SULT6B1: variants seen among roughly 807,000 people sequenced by gnomAD.
SULT6B1 encodes sulfotransferase 6B1.
In SULT6B1, 44 loss-of-function variants were observed where a neutral mutation model predicts 37.2. The observed-to-expected ratio is 1.18, with a 90% confidence interval of 0.93 to 1.52. The LOEUF is 1.52. SULT6B1 is among the 40% of genes most tolerant of loss of function. The probability of loss-of-function intolerance (pLI) is 0.00; values close to 1 mark genes in which losing one functional copy is unlikely to be tolerated. For synonymous variants in SULT6B1, 140 were observed against 126.0 expected, an observed-to-expected ratio of 1.11 and a Z score of -0.74; for missense variants, 450 against 361.0, an observed-to-expected ratio of 1.25 and a Z score of -2.00.
chr2:37,171,622 T>G, intron 5 of SULT6B1, 32 bp from the exon 6 acceptor site: 1 of 1,603,044 alleles, frequency 6.2e-7, no homozygotes, highest in Non-Finnish European at 8.5e-7. Context: ...GATAAATTTC[T>G]TCCTATGGAA....
At chr2:37,176,260 C>CT (rs34578951) in intron 4 of SULT6B1, among the ~76,000 whole-genome samples, 96,942 of 112,628 alleles carry the variant, frequency 0.86, 42,992 homozygotes, top group East Asian at 0.94. Flanking sequence ...CACGCAATAG[C>CT]TTTTTTTTTT....
intron 4 of SULT6B1, among the ~76,000 whole-genome samples, chr2:37,179,131 T>G (rs574187977): frequency 6.6e-6 from 1 of 152,176 alleles, no homozygotes; most frequent in Non-Finnish European, 1.5e-5. Context: ...GCTAATTTTT[T>G]GTATTTTTAG....
intron 2 of SULT6B1, among the ~76,000 whole-genome samples, chr2:37,184,648 T>C (rs1159740710): frequency 6.6e-6 from 1 of 152,192 alleles, no homozygotes; most frequent in Non-Finnish European, 1.5e-5. Flanking sequence ...CTGCCCAATA[T>C]GGGGAAACCC....
At chr2:37,172,333 G>T (rs1676322403) in intron 5 of SULT6B1, among the ~76,000 whole-genome samples, 1 of 152,144 alleles carries the variant, frequency 6.6e-6, no homozygotes. Flanking sequence ...GAATACAGCA[G>T]TTCCTAAATC....
rs1281552141 is a variant in SULT6B1 at position 37,187,439 on chromosome 2, A to G, written c.228T>C (p.Ser76=). 1 of 1,604,354 alleles carries G rather than the reference A, an allele frequency of 6.2e-7. No homozygotes were observed. Among genetic ancestry groups the G allele is most frequent in the African/African-American group, 1.3e-5 (1 of 74,798 alleles). ...CGSNWILHIV[S]ELIYAVSKKK... ...TTTTAGAAACAGCATATATTAATTC[A>G]CTGACAATGTGGAGAATCCAGTTTG... Residue 76 remains serine (S), a synonymous_variant, in exon 2 of 7, where the codon AGT becomes AGC. Coordinates refer to ENST00000535679, the MANE Select transcript of SULT6B1 (RefSeq NM_001367551.1).
intron 5 of SULT6B1, among the ~76,000 whole-genome samples, chr2:37,172,347 T>G (rs1447466514): frequency 1.3e-5 from 2 of 152,196 alleles, no homozygotes; most frequent in Non-Finnish European, 2.9e-5. Flanking sequence ...CTAAATCTAT[T>G]TGAATAACCT....
At chr2:37,185,793 G>A (rs1361448251) in intron 2 of SULT6B1, among the ~76,000 whole-genome samples, 4 of 151,124 alleles carry the variant, frequency 2.6e-5, no homozygotes, top group South Asian at 4.2e-4. Flanking sequence ...TAAAGGTGAT[G>A]TTAAGCACTC....
At chr2:37,170,340 A>G (rs12997228) in intron 6 of SULT6B1, among the ~76,000 whole-genome samples, 34,185 of 151,854 alleles carry the variant, frequency 0.23, 3,950 homozygotes, top group South Asian at 0.35. Context: ...GGTAATGGGT[A>G]CCTGTAATCC....
chr2:37,181,758 C>A (rs1016625082), intron 3 of SULT6B1, among the ~76,000 whole-genome samples: 2 of 152,160 alleles, frequency 1.3e-5, no homozygotes, highest in African/African-American at 4.8e-5. Flanking sequence ...CCAAGTCCAA[C>A]GCTTTATAAA....
intron 5 of SULT6B1, among the ~76,000 whole-genome samples, chr2:37,173,133 G>T (rs545872798): frequency 1.3e-5 from 2 of 152,096 alleles, no homozygotes; most frequent in African/African-American, 4.8e-5. Flanking sequence ...GATTACAGGC[G>T]TGAGCCACCA....
At chr2:37,178,262 G>C (rs1366514007) in intron 4 of SULT6B1, among the ~76,000 whole-genome samples, 1 of 151,146 alleles carries the variant, frequency 6.6e-6, no homozygotes, top group East Asian at 1.9e-4. Flanking sequence ...TTTTGAGTTG[G>C]AGTTTTGCTC....
At chr2:37,194,882 T>TC (rs1442873618) in intron 1 of SULT6B1, 2 of 22,878 alleles carry the variant, frequency 8.7e-5, no homozygotes, top group African/African-American at 3.7e-4. Flanking sequence ...CCTCCCTCCC[T>TC]TCCTTCCTTC....
intron 5 of SULT6B1, 91 bp from the exon 6 acceptor site, chr2:37,171,681 C>T (rs1352134473): frequency 1.6e-6 from 2 of 1,212,480 alleles, no homozygotes; most frequent in East Asian, 2.5e-5. Context: ...AGTTATTCAG[C>T]CTAACTCCCT....
chr2:37,168,565 C>A (rs1285432473), intron 6 of SULT6B1, among the ~76,000 whole-genome samples: 1 of 152,202 alleles, frequency 6.6e-6, no homozygotes, highest in Non-Finnish European at 1.5e-5. Flanking sequence ...CTTTACATCA[C>A]TAGGGGGAGC....
intron 4 of SULT6B1, among the ~76,000 whole-genome samples, chr2:37,176,015 A>G (rs569529151): frequency 6.6e-6 from 1 of 152,292 alleles, no homozygotes; most frequent in South Asian, 2.1e-4. Context: ...CCTTGGCACC[A>G]GTCCCATTCA....
At chr2:37,182,854 T>G (rs1676586051) in intron 3 of SULT6B1, among the ~76,000 whole-genome samples, 1 of 152,220 alleles carries the variant, frequency 6.6e-6, no homozygotes, top group Admixed American at 6.5e-5. Flanking sequence ...GTATGCATGC[T>G]GTGAAGTTTG....
intron 1 of SULT6B1, 48 bp downstream of exon 1, chr2:37,188,394 C>T: frequency 6.6e-7 from 1 of 1,521,716 alleles, no homozygotes; most frequent in Non-Finnish European, 9.0e-7. Flanking sequence ...CCCTCCCCAA[C>T]CTACTCACTA....
intron 4 of SULT6B1, among the ~76,000 whole-genome samples, chr2:37,175,570 A>C (rs1417537302): frequency 6.6e-6 from 1 of 152,250 alleles, no homozygotes; most frequent in Non-Finnish European, 1.5e-5. Context: ...CAATGCCAGA[A>C]AGAAATGATG....
chr2:37,195,558 G>C (rs951232552), intron 1 of SULT6B1, among the ~76,000 whole-genome samples: 6 of 152,040 alleles, frequency 3.9e-5, no homozygotes, highest in Non-Finnish European at 8.8e-5. Flanking sequence ...CAGATTCCTC[G>C]GATTAGAAGC....
Sources: gnomAD v4.1 joint callset for allele counts (sites outside exome capture counted in the v4.1 genomes callset) on GRCh38, gnomAD v4.1.1 for gene constraint, MANE v1.5 for transcripts, NCBI Gene and HGNC (gene_info 2026-07-23, HGNC 2026-07-21) for gene names.